Variants in ACOX2 observed in about 807,000 individuals in gnomAD.
ACOX2 encodes acyl-CoA oxidase 2.
Under a neutral mutation model 77.5 loss-of-function variants are expected in ACOX2, and 59 were observed. The observed-to-expected ratio is 0.76, with a 90% CI of 0.62 to 0.95. The LOEUF (loss-of-function observed/expected upper bound fraction) is 0.95. Ranked by LOEUF, ACOX2 falls within the 40% of genes least tolerant of loss-of-function variation. ACOX2 has a pLI of 0.00. For missense variants in ACOX2, 837 were observed against 880.4 expected, an observed-to-expected ratio of 0.95 and a Z score of 0.62; for synonymous variants, 317 against 340.1, an observed-to-expected ratio of 0.93 and a Z score of 0.75.
At chr3:58,530,738 C>T in intron 7 of ACOX2, 100 bp from the exon 8 acceptor site, 2 of 1,367,374 alleles carry the variant, frequency 1.5e-6, no homozygotes, top group Non-Finnish European at 1.0e-6. Context: ...GGGCACCTCG[C>T]CCCTCAACCG....
In ACOX2 at chr3:58,524,907, G is replaced by C. The variant is rs2063383945; in HGVS notation, c.1347-302C>G. ...TTTCCATCAGAACACTGTGATTTTG[G>C]GATTTATAATGACTTGTACAGTGAC... is the stretch of plus-strand genomic sequence containing the variant. On this transcript the variant is annotated intron_variant, in intron 10 of 14. Transcript: ENST00000302819. The surrounding 1 kb of genome is among the most constrained non-coding windows in gnomAD (Gnocchi z 5.5). Among the ~76,000 whole-genome samples the C allele has an allele frequency of 6.6e-6, 1 of 152,144 alleles. No individual in the cohort carries two copies. Among genetic ancestry groups the C allele is most frequent in the African/African-American group, 2.4e-5 (1 of 41,430 alleles).
chr3:58,509,074 A>C (rs1297017981), intron 13 of ACOX2, 49 bp from the exon 14 acceptor site: 1 of 1,594,110 alleles, frequency 6.3e-7, no homozygotes, highest in South Asian at 1.1e-5. Flanking sequence ...GCTCTTATGA[A>C]TCAAACTAGT....
chr3:58,517,692 A>T lies in ACOX2; in HGVS notation c.1633-269T>A, dbSNP rs558054526. Among the ~76,000 whole-genome samples the T allele has an allele frequency of 2.0e-5, 3 of 152,038 alleles. No homozygotes were observed. The East Asian group carries it at 5.8e-4, about 30-fold the overall frequency. ...TTTTCTTTTGCTTGGAGCGGTTTCA[A>T]GTAGGTTGGAAAGTAGAAGGAAAGA... On this transcript the variant is annotated intron_variant, in intron 12 of 14. Coordinates refer to ENST00000302819, the MANE Select transcript of ACOX2 (RefSeq NM_003500.4).
chr3:58,526,854 A>G lies in ACOX2; in HGVS notation c.1156-198T>C. ...TCACCCAGAGGCACACAATTAGGCA[A>G]TGTAGCTGTAGGGGCATAAGAGTGA... is the stretch of plus-strand genomic sequence containing the variant. On this transcript the variant is annotated intron_variant, in intron 9 of 14. Transcript: ENST00000302819. This position sits in a 1 kb window ranked among gnomAD's most constrained non-coding sequence, Gnocchi z 4.3. 6.9e-6 allele frequency: 4 copies of G among 576,266 alleles called. No individual in the cohort carries two copies. Among genetic ancestry groups the G allele is most frequent in the Non-Finnish European group, 3.0e-6 (1 of 332,348 alleles). 35.7% of individuals were successfully genotyped at this position (576,266 alleles called of 1,614,324 possible). A position where few individuals can be genotyped will look rare whatever the true frequency, so the allele number is the denominator to read the frequency against.
intron 14 of ACOX2, among the ~76,000 whole-genome samples, chr3:58,506,579 G>A (rs2063235442): frequency 6.6e-6 from 1 of 152,192 alleles, no homozygotes; most frequent in African/African-American, 2.4e-5. Context: ...GATCATTTGA[G>A]GTTAGGAGTT....
chr3:58,524,745 G>T lies in ACOX2; in HGVS notation c.1347-140C>A. On this transcript the variant is annotated intron_variant, in intron 10 of 14. Coordinates refer to ENST00000302819, the MANE Select transcript of ACOX2 (RefSeq NM_003500.4). The surrounding 1 kb of genome is among the most constrained non-coding windows in gnomAD (Gnocchi z 5.5). ...AGCCAGGTCACCAGGCCTCTGCCTG[G>T]CCTCCCTCCTGAGGGTTCCCCCTCG... 4 of 962,820 alleles carry T rather than the reference G, an allele frequency of 4.2e-6. 1 individual carries two copies. Among genetic ancestry groups the T allele is most frequent in the South Asian group, 3.3e-5 (2 of 59,776 alleles). The allele number at this position is 962,820 out of a possible 1,614,324, so 59.6% of individuals were successfully genotyped here.
rs1054164453 is a variant in ACOX2, at chr3:58,535,601, C to T, written c.-91-404G>A. 1.3e-5 allele frequency among the ~76,000 whole-genome samples: 2 copies of T among 152,136 alleles called. No individual in the cohort carries two copies. The highest frequency in any genetic ancestry group is 4.1e-4 in the South Asian group (2 of 4,828). On this transcript the variant is annotated intron_variant, in intron 1 of 14. Coordinates refer to ENST00000302819, the MANE Select transcript of ACOX2 (RefSeq NM_003500.4). The surrounding 1 kb of genome is among the most constrained non-coding windows in gnomAD (Gnocchi z 4.8). The stretch of plus-strand genomic sequence containing the variant: ...CTGACCACAAAGCACATGACTTGTC[C>T]ATACTACAGCTCCACTGTGGAGGAT...
intron 12 of ACOX2, among the ~76,000 whole-genome samples, chr3:58,520,257 G>GT (rs1384525825): frequency 6.6e-6 from 1 of 152,240 alleles, no homozygotes; most frequent in East Asian, 1.9e-4. Flanking sequence ...GAAAGATTAA[G>GT]TTTTTTGCCC....
intron 13 of ACOX2, among the ~76,000 whole-genome samples, chr3:58,513,699 G>A (rs1405376097): frequency 6.6e-6 from 1 of 150,908 alleles, no homozygotes; most frequent in Non-Finnish European, 1.5e-5. Flanking sequence ...CCTTGTTCTT[G>A]CTTGTTTTGG....
rs1488658083 is a variant in ACOX2, at chr3:58,528,991, A to G, written c.993-35T>C. 2 of 1,561,912 alleles carry G rather than the reference A, an allele frequency of 1.3e-6. No homozygotes were observed. The highest frequency in any genetic ancestry group is 1.2e-5 in the South Asian group (1 of 81,260). On this transcript the variant is annotated intron_variant, in intron 8 of 14. Coordinates refer to ENST00000302819, the MANE Select transcript of ACOX2 (RefSeq NM_003500.4). The surrounding 1 kb of genome is among the most constrained non-coding windows in gnomAD (Gnocchi z 5.6). The stretch of plus-strand genomic sequence containing the variant: ...AAAGAACCAGAAGATTTAGATCACT[A>G]CCTGTTGTGTCCACCTTCCCCTATC...
At chr3:58,530,714 G>C (rs1048239820) in intron 7 of ACOX2, 76 bp from the exon 8 acceptor site, 2 of 1,481,730 alleles carry the variant, frequency 1.3e-6, no homozygotes, top group African/African-American at 2.8e-5. Context: ...GAGCTGTGGG[G>C]CTCCACACAT....
chr3:58,528,978 G>T lies in ACOX2; in HGVS notation c.993-22C>A. On this transcript the variant is annotated intron_variant, in intron 8 of 14. Coordinates refer to ENST00000302819, the MANE Select transcript of ACOX2 (RefSeq NM_003500.4). The surrounding 1 kb of genome is among the most constrained non-coding windows in gnomAD (Gnocchi z 5.6). The stretch of plus-strand genomic sequence containing the variant: ...GTCACTGAAGGGAAAAGAACCAGAA[G>T]ATTTAGATCACTACCTGTTGTGTCC... 6.3e-7 allele frequency: 1 copy of T among 1,595,346 alleles called. No homozygotes were observed. Among genetic ancestry groups the T allele is most frequent in the Non-Finnish European group, 8.5e-7 (1 of 1,170,198 alleles).
rs201953041 is a variant in ACOX2, at chr3:58,524,412, C to T, written c.1526+14G>A. On this transcript the variant is annotated intron_variant, in intron 11 of 14. Coordinates refer to ENST00000302819, the MANE Select transcript of ACOX2 (RefSeq NM_003500.4). This position sits in a 1 kb window ranked among gnomAD's most constrained non-coding sequence, Gnocchi z 5.5. ...TGCCCAGGTGGGATGGCTGATTTCT[C>T]AGCACTGGCTTACCTTACTGCCACA... The T allele has an allele frequency of 6.2e-7, 1 of 1,605,228 alleles. No individual in the cohort carries two copies. Among genetic ancestry groups the T allele is most frequent in the East Asian group, 2.2e-5 (1 of 44,614 alleles).
rs2063347323 is a variant in ACOX2, at chr3:58,519,956, G to C, written c.1633-2533C>G. On this transcript the variant is annotated intron_variant, in intron 12 of 14. Transcript: ENST00000302819. The surrounding 1 kb of genome is among the most constrained non-coding windows in gnomAD (Gnocchi z 5.0). ...GCTCAAGGCTCTGAGTTGAGGAGTG[G>C]AGTGATGGAGAGCTGCCCAGGGGCC... 6.6e-6 allele frequency among the ~76,000 whole-genome samples: 1 copy of C among 152,244 alleles called. No individual in the cohort carries two copies. The highest frequency in any genetic ancestry group is 2.4e-5 in the African/African-American group (1 of 41,464).
intron 14 of ACOX2, among the ~76,000 whole-genome samples, chr3:58,508,242 G>A (rs1033371704): frequency 1.2e-4 from 18 of 152,120 alleles, no homozygotes; most frequent in Non-Finnish European, 2.5e-4. Flanking sequence ...AGTCCTCCCC[G>A]TCTTCTCGCT....
rs1236259578 is a variant in ACOX2 at position 58,528,292 on chromosome 3, C to T, written c.1155+502G>A. ...CAATGCTTTACCTGAGACCTGTGAG[C>T]CAGATGTGTTTAGGAATCAGAGTAA... On this transcript the variant is annotated intron_variant, in intron 9 of 14. Transcript: ENST00000302819. The surrounding 1 kb of genome is among the most constrained non-coding windows in gnomAD (Gnocchi z 5.6). 6.6e-6 allele frequency among the ~76,000 whole-genome samples: 1 copy of T among 152,146 alleles called. No homozygotes were observed. The highest frequency in any genetic ancestry group is 1.5e-5 in the Non-Finnish European group (1 of 68,042).
Position 58,528,564 on chromosome 3 carries a change from G to A in ACOX2, c.1155+230C>T, listed in dbSNP as rs1041401808. ...GGGGTTGTGGACCTGTGTTCTCTAC[G>A]CTAGGTGTGATTGTTTTCTCTTAGT... On this transcript the variant is annotated intron_variant, in intron 9 of 14. Transcript: ENST00000302819. This position sits in a 1 kb window ranked among gnomAD's most constrained non-coding sequence, Gnocchi z 5.6. Among the ~76,000 whole-genome samples, 5 of 152,024 alleles carry A rather than the reference G, an allele frequency of 3.3e-5. No homozygotes were observed. Among genetic ancestry groups the A allele is most frequent in the Admixed American group, 1.3e-4 (2 of 15,274 alleles).
chr3:58,517,080 T>G (rs999118784), intron 13 of ACOX2, 126 bp downstream of exon 13: 3 of 905,794 alleles, frequency 3.3e-6, no homozygotes, highest in Non-Finnish European at 5.2e-6. Flanking sequence ...GATAATAGGG[T>G]GTAGACCTCT....
At position 58,530,506 on chromosome 3, in the gene ACOX2, G is replaced by C. The variant is rs201115263; in HGVS notation, c.952C>G (p.Arg318Gly). 1 of 1,614,248 alleles carries C rather than the reference G, an allele frequency of 6.2e-7. No homozygotes were observed. The highest frequency in any genetic ancestry group is 1.7e-5 in the Admixed American group (1 of 60,034). ...GATTGGCGGCGGATGACCGAGTAGC[G>C]CATGGCGATGACACAGGCCTTCTGC... ...ILQKACVIAM[R>G]YSVIRRQSRL... Residue 318 changes from arginine (R) to glycine (G), a missense_variant, in exon 8 of 15, where the codon CGC (arginine) becomes GGC (glycine). Transcript: ENST00000302819.
Sources: gnomAD v4.1 joint callset for allele counts (sites outside exome capture counted in the v4.1 genomes callset) on GRCh38, gnomAD v4.1.1 for gene constraint, Gnocchi (gnomAD v3.1) non-coding constraint, MANE v1.5 for transcripts, NCBI Gene and HGNC (gene_info 2026-07-23, HGNC 2026-07-21) for gene names.